Variants in SLC39A1 observed in about 807,000 individuals in gnomAD.
SLC39A1 encodes the protein solute carrier family 39 member 1, also known as zinc transporter ZIP1.
Under a neutral mutation model 21.4 loss-of-function variants are expected in SLC39A1, and 17 were observed. The ratio of observed to expected loss-of-function variants is 0.79; its 90% CI spans 0.54 to 1.19. The LOEUF (loss-of-function observed/expected upper bound fraction) is 1.19, where lower values mean the gene tolerates loss of function less well. Among genes scored for constraint, SLC39A1 ranks in the 50% most tolerant of loss-of-function variants. SLC39A1 has a pLI of 0.00. For missense variants in SLC39A1, 343 were observed against 399.8 expected (o/e 0.86, Z 1.21); for synonymous variants, 183 against 185.9 (o/e 0.98, Z 0.13).
Position 153,959,576 on chromosome 1 carries a change from T to C in SLC39A1, c.*522A>G, listed in dbSNP as rs1011353613. On this transcript the variant is annotated 3_prime_UTR_variant, in exon 4 of 4. Coordinates refer to ENST00000356205, the MANE Select transcript of SLC39A1 (RefSeq NM_001271958.2). ...GGAGAGGCCAGAGAAGATACCAAAA[T>C]TGGCAGGGAGAGACCATTTGGCGCC... 15 of 312,558 alleles carry C rather than the reference T, an allele frequency of 4.8e-5. No homozygotes were observed. Among genetic ancestry groups the C allele is most frequent in the African/African-American group, 3.2e-4 (15 of 46,826 alleles). The allele number at this position is 312,558 out of a possible 1,614,324, so 19.4% of individuals were successfully genotyped here. A position where few individuals can be genotyped will look rare whatever the true frequency, so the allele number is the denominator to read the frequency against.
rs183598634 is a variant in SLC39A1 at position 153,959,778 on chromosome 1, T to C, written c.*320A>G. 2 of 337,398 alleles carry C rather than the reference T, an allele frequency of 5.9e-6. No homozygotes were observed. Among genetic ancestry groups the C allele is most frequent in the East Asian group, 1.1e-4 (2 of 18,540 alleles). The allele number at this position is 337,398 out of a possible 1,614,324, so 20.9% of individuals were successfully genotyped here. A position where few individuals can be genotyped will look rare whatever the true frequency, so the allele number is the denominator to read the frequency against. Reference sequence around the variant, plus strand: ...AGCAGCTGGGTACCCACCTCCAGCCTCCCATGTGAGCCTGTCCTTATGTAT... The same window carrying C: ...AGCAGCTGGGTACCCACCTCCAGCCCCCCATGTGAGCCTGTCCTTATGTAT... On this transcript the variant is annotated 3_prime_UTR_variant, in exon 4 of 4. Coordinates refer to ENST00000356205, the MANE Select transcript of SLC39A1 (RefSeq NM_001271958.2).
intron 1 of SLC39A1, 142 bp from the exon 2 acceptor site, chr1:153,962,889 C>T: frequency 1.8e-6 from 1 of 563,768 alleles, no homozygotes; most frequent in Admixed American, 3.4e-5. Context: ...CTCATCTACT[C>T]CTGTACCAGG....
upstream of SLC39A1, chr1:153,964,322 T>A (rs1647670027): frequency 6.6e-6 from 1 of 152,314 alleles, no homozygotes; most frequent in Non-Finnish European, 1.5e-5. Context: ...TTGCTGTTCC[T>A]TGAATGCCCC....
upstream of SLC39A1, chr1:153,968,147 A>G (rs1415129549): frequency 6.0e-6 from 1 of 167,566 alleles, no homozygotes; most frequent in East Asian, 1.7e-4. Flanking sequence ...CAGCGGCCCT[A>G]CCGTGGCTCC....
rs756901813 is a variant in SLC39A1, at chr1:153,960,052, A to C, written c.*46T>G. 1.3e-6 allele frequency: 2 copies of C among 1,538,660 alleles called. No individual in the cohort carries two copies. The highest frequency in any genetic ancestry group is 2.7e-5 in the African/African-American group (2 of 72,996). ...ACAACTGGGGGAGGGAAGGGAGAACAGGGGCACCTGATCATCAATCTCCCC... is the reference window on the plus strand; with the variant it reads ...ACAACTGGGGGAGGGAAGGGAGAACCGGGGCACCTGATCATCAATCTCCCC... On this transcript the variant is annotated 3_prime_UTR_variant, in exon 4 of 4. Transcript: ENST00000356205.
At chr1:153,967,060 C>A (rs1474951200), upstream of SLC39A1, 1 of 152,196 alleles carries the variant, frequency 6.6e-6, no homozygotes, top group South Asian at 2.1e-4. Flanking sequence ...TTTATGAAAA[C>A]GTTTTGTAAA....
intron 3 of SLC39A1, among the ~76,000 whole-genome samples, chr1:153,961,968 G>A (rs950945863): frequency 6.6e-6 from 1 of 152,130 alleles, no homozygotes; most frequent in Non-Finnish European, 1.5e-5. Context: ...AGAACCCATA[G>A]AGCAAGTCAC....
At chr1:153,964,264 C>T (rs1003183682), upstream of SLC39A1, 1 of 152,322 alleles carries the variant, frequency 6.6e-6, no homozygotes, top group Non-Finnish European at 1.5e-5. Context: ...GGTTCTCCCA[C>T]CTGATTTCCA....
At chr1:153,968,121 C>A (rs1408168037), upstream of SLC39A1, 2 of 162,642 alleles carry the variant, frequency 1.2e-5, no homozygotes, top group African/African-American at 2.4e-5. Flanking sequence ...GACTCTTAGT[C>A]CCCTACTCCC....
chr1:153,960,064 T>C lies in SLC39A1; in HGVS notation c.*34A>G. ...GGGAAGGGAGAACAGGGGCACCTGA[T>C]CATCAATCTCCCCTGCCCCTCTCTT... On this transcript the variant is annotated 3_prime_UTR_variant, in exon 4 of 4. Transcript: ENST00000356205. 6.5e-7 allele frequency: 1 copy of C among 1,549,968 alleles called. No homozygotes were observed. The highest frequency in any genetic ancestry group is 8.7e-7 in the Non-Finnish European group (1 of 1,144,698).
At chr1:153,965,428 A>T (rs975715924), upstream of SLC39A1, among the ~76,000 whole-genome samples, 1 of 152,186 alleles carries the variant, frequency 6.6e-6, no homozygotes, top group Non-Finnish European at 1.5e-5. Flanking sequence ...CTCCGTCTCA[A>T]AAAAAAAGAA....
In SLC39A1 at chr1:153,960,083, C is replaced by G; in HGVS notation, c.*15G>C. The G allele has an allele frequency of 6.3e-7, 1 of 1,582,980 alleles. No individual in the cohort carries two copies. Among genetic ancestry groups the G allele is most frequent in the Non-Finnish European group, 8.6e-7 (1 of 1,162,600 alleles). On this transcript the variant is annotated 3_prime_UTR_variant, in exon 4 of 4. Transcript: ENST00000356205. ...ACCTGATCATCAATCTCCCCTGCCC[C>G]TCTCTTGAAGCCCCCTAGATTTGGA...
At chr1:153,961,142 G>A (rs759201554) in intron 3 of SLC39A1, among the ~76,000 whole-genome samples, 4 of 152,148 alleles carry the variant, frequency 2.6e-5, no homozygotes, top group Non-Finnish European at 5.9e-5. Flanking sequence ...AGGGTGTGGT[G>A]GTGGATGCCT....
upstream of SLC39A1, chr1:153,967,359 C>G (rs1005358731): frequency 6.6e-6 from 1 of 152,238 alleles, no homozygotes; most frequent in Non-Finnish European, 1.5e-5. Context: ...CCGGAGCTTC[C>G]GAGTCACGTG....
intron 3 of SLC39A1, 122 bp from the exon 4 acceptor site, chr1:153,960,876 AAGAT>A: frequency 4.7e-6 from 4 of 854,222 alleles, no homozygotes; most frequent in East Asian, 2.7e-5. Flanking sequence ...CAGTCACACA[AAGAT>A]AGAGTGAATT....
At chr1:153,966,612 C>G (rs1297743921), upstream of SLC39A1, 2 of 143,712 alleles carry the variant, frequency 1.4e-5, no homozygotes, top group Non-Finnish European at 3.1e-5. Flanking sequence ...GCCTGGGCCA[C>G]AGAGCAAAAG....
chr1:153,960,076 C>T lies in SLC39A1; in HGVS notation c.*22G>A. On this transcript the variant is annotated 3_prime_UTR_variant, in exon 4 of 4. Transcript: ENST00000356205. ...CAGGGGCACCTGATCATCAATCTCC[C>T]CTGCCCCTCTCTTGAAGCCCCCTAG... The T allele has an allele frequency of 1.3e-6, 2 of 1,576,654 alleles. No individual in the cohort carries two copies. Among genetic ancestry groups the T allele is most frequent in the Non-Finnish European group, 1.7e-6 (2 of 1,159,484 alleles).
chr1:153,964,130 T>C (rs1291639632), upstream of SLC39A1, among the ~76,000 whole-genome samples: 1 of 152,242 alleles, frequency 6.6e-6, no homozygotes, highest in Admixed American at 6.5e-5. Context: ...CAGTGCAGCC[T>C]CCGCCTTCTC....
chr1:153,962,482 C>T (rs1259856253), intron 2 of SLC39A1, 47 bp downstream of exon 2: 5 of 1,589,912 alleles, frequency 3.1e-6, no homozygotes, highest in Non-Finnish European at 4.3e-6. Flanking sequence ...CCAGAGCCCT[C>T]CCTAAGCCAA....
Sources: gnomAD v4.1 joint callset for allele counts (sites outside exome capture counted in the v4.1 genomes callset) on GRCh38, gnomAD v4.1.1 for gene constraint, MANE v1.5 for transcripts, NCBI Gene and HGNC (gene_info 2026-07-23, HGNC 2026-07-21) for gene names.